Variants in TMEM181 observed in about 807,000 individuals in gnomAD.
TMEM181 encodes transmembrane protein 181, also known as G protein-coupled receptor 178.
A neutral mutation model predicts 71.9 loss-of-function variants in TMEM181; 39 were observed. That is an observed-to-expected ratio of 0.54 (90% CI 0.42 to 0.71). The LOEUF (loss-of-function observed/expected upper bound fraction) is 0.71. Among genes scored for constraint, TMEM181 ranks in the 30% least tolerant of loss-of-function variants. The probability of loss-of-function intolerance (pLI) is 0.00; values close to 1 mark genes in which losing one functional copy is unlikely to be tolerated. For missense variants in TMEM181, 595 were observed against 583.0 expected, an observed-to-expected ratio of 1.02 and a Z score of -0.21; for synonymous variants, 245 against 228.8, an observed-to-expected ratio of 1.07 and a Z score of -0.64.
intron 16 of TMEM181, 106 bp downstream of exon 16, chr6:158,631,495 G>GC: frequency 8.0e-7 from 1 of 1,257,834 alleles, no homozygotes. Flanking sequence ...AGGTATGAAG[G>GC]CATTTACCTT....
intron 6 of TMEM181, among the ~76,000 whole-genome samples, chr6:158,600,940 C>T (rs76126099): frequency 0.071 from 10,841 of 152,160 alleles, 507 homozygotes; most frequent in Non-Finnish European, 0.11. Context: ...TTAATTCAGA[C>T]GTATTTTGTG....
At chr6:158,579,809 T>G (rs933510102) in intron 2 of TMEM181, among the ~76,000 whole-genome samples, 6 of 152,090 alleles carry the variant, frequency 3.9e-5, no homozygotes, top group Non-Finnish European at 8.8e-5. Flanking sequence ...CTAAGTAAAA[T>G]AAGCCATTGG....
At chr6:158,598,210 C>T (rs1304592809) in intron 6 of TMEM181, among the ~76,000 whole-genome samples, 2 of 152,214 alleles carry the variant, frequency 1.3e-5, no homozygotes, top group Non-Finnish European at 2.9e-5. Context: ...ATTTTGCAGG[C>T]ACCTTCTCTG....
chr6:158,634,705 A>C lies in TMEM181; in HGVS notation c.*2817A>C, dbSNP rs1786848197. On this transcript the variant is annotated 3_prime_UTR_variant, in exon 17 of 17. Transcript: ENST00000684151. ...TATGTTCAAGGTTTGTAAGGTTGTT[A>C]ATGTACATAATTGCAGATTGCAATA... 2.0e-5 allele frequency: 3 copies of C among 152,222 alleles called. No individual in the cohort carries two copies. The highest frequency in any genetic ancestry group is 4.8e-5 in the African/African-American group (2 of 41,454). 9.4% of individuals were successfully genotyped at this position (152,222 alleles called of 1,614,324 possible).
chr6:158,585,471 C>T (rs1783716623), intron 5 of TMEM181, 46 bp downstream of exon 5: 2 of 1,442,950 alleles, frequency 1.4e-6, no homozygotes, highest in South Asian at 1.6e-5. Flanking sequence ...AGGCTGTGTA[C>T]ACGTTTAATT....
chr6:158,610,736 A>G (rs371205197), intron 10 of TMEM181: 5 of 296,282 alleles, frequency 1.7e-5, no homozygotes, highest in East Asian at 1.4e-4. Flanking sequence ...AGAATCACTC[A>G]GGCACTCGGG....
At chr6:158,585,591 T>C (rs1783723407) in intron 5 of TMEM181, among the ~76,000 whole-genome samples, 166 bp downstream of exon 5, 1 of 152,238 alleles carries the variant, frequency 6.6e-6, no homozygotes, top group Non-Finnish European at 1.5e-5. Context: ...AACTTACTTA[T>C]TTTTACAGTT....
chr6:158,539,295 G>T (rs780583630), intron 1 of TMEM181, among the ~76,000 whole-genome samples: 2 of 152,206 alleles, frequency 1.3e-5, no homozygotes, highest in South Asian at 2.1e-4. Context: ...AGATGTTTTA[G>T]ATCACTGAAC....
rs746910148 is a variant in TMEM181 at position 158,631,910 on chromosome 6, C to T, written c.*22C>T. Reference sequence around the variant, plus strand: ...CTGAGCCCCGGCCAGCCCAGCGAGGCGACAAGATGCCTGGATGCTTTCCCC... The same window carrying T: ...CTGAGCCCCGGCCAGCCCAGCGAGGTGACAAGATGCCTGGATGCTTTCCCC... On this transcript the variant is annotated 3_prime_UTR_variant, in exon 17 of 17. Transcript: ENST00000684151. 1.1e-5 allele frequency: 17 copies of T among 1,564,688 alleles called. No individual in the cohort carries two copies. Among genetic ancestry groups the T allele is most frequent in the Middle Eastern group, 1.7e-4 (1 of 6,026 alleles).
At chr6:158,585,820 G>GT (rs1783736801) in intron 5 of TMEM181, among the ~76,000 whole-genome samples, 1 of 152,092 alleles carries the variant, frequency 6.6e-6, no homozygotes, top group East Asian at 1.9e-4. Context: ...TGGTCACTGG[G>GT]TTTTTTTGTT....
upstream of TMEM181, among the ~76,000 whole-genome samples, chr6:158,559,903 CTTCT>C (rs1292449741): frequency 1.1e-4 from 17 of 152,244 alleles, no homozygotes; most frequent in Non-Finnish European, 2.4e-4. Context: ...TCACTCATTC[CTTCT>C]GTCTTGAGCC....
At chr6:158,577,780 T>A (rs1247972522) in intron 2 of TMEM181, among the ~76,000 whole-genome samples, 2 of 152,152 alleles carry the variant, frequency 1.3e-5, no homozygotes, top group Non-Finnish European at 2.9e-5. Context: ...AGTGGGCTGA[T>A]ACATTCAAAG....
At chr6:158,625,641 TC>T in intron 12 of TMEM181, 61 bp from the exon 13 acceptor site, 1 of 1,451,446 alleles carries the variant, frequency 6.9e-7, no homozygotes, top group Non-Finnish European at 9.5e-7. Context: ...TTTTTATTTT[TC>T]AAAATAAAAT....
intron 1 of TMEM181, among the ~76,000 whole-genome samples, chr6:158,567,263 G>A (rs1203883914): frequency 6.6e-6 from 1 of 152,186 alleles, no homozygotes; most frequent in Non-Finnish European, 1.5e-5. Flanking sequence ...GGGTAGCTGG[G>A]CCGAGGACTT....
chr6:158,552,703 G>A (rs1781756403), intron 1 of TMEM181, among the ~76,000 whole-genome samples: 2 of 152,340 alleles, frequency 1.3e-5, no homozygotes, highest in Middle Eastern at 6.8e-3. Flanking sequence ...AGAAAGAGCT[G>A]TAGGCAGTTA....
At chr6:158,601,455 G>A (rs1789986540) in intron 6 of TMEM181, among the ~76,000 whole-genome samples, 1 of 151,906 alleles carries the variant, frequency 6.6e-6, no homozygotes. Flanking sequence ...GCTGAAGCAG[G>A]AGAATCGCTT....
At position 158,608,343 on chromosome 6, in the gene TMEM181, C is replaced by G; in HGVS notation, c.684C>G (p.Phe228Leu). The change falls in exon 9 of 17, where the codon TTC becomes TTG. Residue 228 changes from phenylalanine to leucine, a missense_variant. Coordinates refer to ENST00000684151, the MANE Select transcript of TMEM181 (RefSeq NM_001376852.1). ...PLLLLYNDPF[F>L]PLSFLVNSWL... ...CCCTTTGTGTTCCAGATCCGTTCTT[C>G]CCCCTCTCCTTCCTGGTCAACAGCT... is the stretch of plus-strand genomic sequence containing the variant. 6.2e-7 allele frequency: 1 copy of G among 1,614,198 alleles called. No individual in the cohort carries two copies. Among genetic ancestry groups the G allele is most frequent in the Non-Finnish European group, 8.5e-7 (1 of 1,180,016 alleles).
At chr6:158,626,356 G>T (rs1351392476) in intron 13 of TMEM181, 4 of 456,352 alleles carry the variant, frequency 8.8e-6, no homozygotes, top group African/African-American at 2.0e-5. Flanking sequence ...TTGCTTGGTG[G>T]TTTATGGTTT....
chr6:158,592,143 T>A (rs1784143747), intron 6 of TMEM181, among the ~76,000 whole-genome samples: 1 of 152,182 alleles, frequency 6.6e-6, no homozygotes, highest in Non-Finnish European at 1.5e-5. Context: ...GCGTTTTTTG[T>A]ACATTTCGTT....
Sources: gnomAD v4.1 joint callset for allele counts (sites outside exome capture counted in the v4.1 genomes callset) on GRCh38, gnomAD v4.1.1 for gene constraint, MANE v1.5 for transcripts, NCBI Gene and HGNC (gene_info 2026-07-23, HGNC 2026-07-21) for gene names.